The following YKT6 variants were observed in gnomAD, a reference collection of about 807,000 sequenced individuals.
YKT6 encodes YKT6 vesicular SNARE protein.
YKT6 carries 12 observed loss-of-function variants against 29.3 expected under a neutral mutation model. That is an observed-to-expected ratio of 0.41 (90% CI 0.26 to 0.66). The LOEUF is 0.66. YKT6 is among the 30% of genes least tolerant of loss of function. The probability of loss-of-function intolerance (pLI) is 0.32; values close to 1 mark genes in which losing one functional copy is unlikely to be tolerated. For synonymous variants in YKT6, 86 were observed against 94.3 expected, an observed-to-expected ratio of 0.91 and a Z score of 0.51; for missense variants, 188 against 243.8, an observed-to-expected ratio of 0.77 and a Z score of 1.52.
At chr7:44,205,642 A>G (rs1050237707) in intron 2 of YKT6, among the ~76,000 whole-genome samples, 3 of 152,192 alleles carry the variant, frequency 2.0e-5, no homozygotes, top group Admixed American at 2.0e-4. Flanking sequence ...GTAAGCTGTA[A>G]TCCTTACATT....
chr7:44,209,603 G>T (rs919965205), intron 5 of YKT6, among the ~76,000 whole-genome samples: 5 of 152,208 alleles, frequency 3.3e-5, no homozygotes, highest in African/African-American at 1.2e-4. Flanking sequence ...GTGCATATCT[G>T]AATCAGTTAA....
chr7:44,206,428 T>G lies in YKT6; in HGVS notation c.231T>G (p.Gly77=). The G allele has an allele frequency of 6.2e-7, 1 of 1,614,088 alleles. No homozygotes were observed. ...HVYVRNDSLA[G]VVIADNEYPS... ...ACGTCCGGAATGATAGTCTTGCAGG[T>G]GTGGTCATTGCTGACAATGAATACC... The change falls in exon 3 of 7, where the codon GGT becomes GGG. Residue 77 remains glycine (G), a synonymous_variant. Transcript: ENST00000223369.
chr7:44,204,055 C>A (rs1348573025), intron 1 of YKT6, among the ~76,000 whole-genome samples: 2 of 152,210 alleles, frequency 1.3e-5, no homozygotes, highest in African/African-American at 2.4e-5. Context: ...TGCGCTCGTT[C>A]TGTGGACGAG....
intron 4 of YKT6, among the ~76,000 whole-genome samples, chr7:44,207,915 G>A (rs896025032): frequency 3.9e-5 from 6 of 151,976 alleles, no homozygotes; most frequent in African/African-American, 1.2e-4. Context: ...TAGTAGAGAC[G>A]GTTTCACCAT....
chr7:44,202,345 A>T (rs2096336670), intron 1 of YKT6, among the ~76,000 whole-genome samples: 1 of 152,222 alleles, frequency 6.6e-6, no homozygotes, highest in Non-Finnish European at 1.5e-5. Context: ...GAGTGCATTG[A>T]TATGAAATAG....
Position 44,211,047 on chromosome 7 carries a change from G to T in YKT6, c.484G>T (p.Glu162Ter). 6.2e-7 allele frequency: 1 copy of T among 1,614,020 alleles called. No individual in the cohort carries two copies. The highest frequency in any genetic ancestry group is 1.1e-5 in the South Asian group (1 of 91,072). ...ILHNTMESLL[E>*]RGEKLDDLVS... ...GCACAACACCATGGAGTCTCTGTTA[G>T]AGCGAGGTGAGAAGCTAGATGACTT... Residue 162 changes from glutamate (E) to a stop codon, truncating the protein, a stop_gained, in exon 6 of 7, where the codon GAG becomes TAG. Transcript: ENST00000223369. LOFTEE classifies it high-confidence loss of function.
chr7:44,204,495 C>T, intron 1 of YKT6, 73 bp from the exon 2 acceptor site: 1 of 1,471,258 alleles, frequency 6.8e-7, no homozygotes, highest in Non-Finnish European at 9.4e-7. Flanking sequence ...TGTATAAGCC[C>T]AGAGGTCACT....
chr7:44,201,698 C>T (rs2096335916), intron 1 of YKT6, among the ~76,000 whole-genome samples: 1 of 152,152 alleles, frequency 6.6e-6, no homozygotes. Flanking sequence ...CACTTCCCAC[C>T]CAGTGATTCT....
chr7:44,205,921 G>T (rs1473148832), intron 2 of YKT6, among the ~76,000 whole-genome samples: 3 of 152,178 alleles, frequency 2.0e-5, no homozygotes, highest in Admixed American at 2.0e-4. Flanking sequence ...GCCCTGGGGG[G>T]TAATTTCCTG....
Position 44,212,427 on chromosome 7 carries a change from G to T in YKT6, c.*145G>T. ...TTATTTTGAAGTTCCTGCGAGAAAT[G>T]GATGGTGGAAGGGTGGCGAATGTTC... On this transcript the variant is annotated 3_prime_UTR_variant, in exon 7 of 7. Coordinates refer to ENST00000223369, the MANE Select transcript of YKT6 (RefSeq NM_006555.4). 1 of 1,030,032 alleles carries T rather than the reference G, an allele frequency of 9.7e-7. No homozygotes were observed. Among genetic ancestry groups the T allele is most frequent in the Non-Finnish European group, 1.5e-6 (1 of 689,170 alleles). The allele number at this position is 1,030,032 out of a possible 1,614,324, so 63.8% of individuals were successfully genotyped here.
chr7:44,203,052 A>G (rs1379379142), intron 1 of YKT6, among the ~76,000 whole-genome samples: 2 of 152,164 alleles, frequency 1.3e-5, no homozygotes, highest in African/African-American at 2.4e-5. Context: ...GGACATCTCT[A>G]CTAATATGTC....
At chr7:44,211,156 G>T in intron 6 of YKT6, 32 bp downstream of exon 6, 1 of 1,591,040 alleles carries the variant, frequency 6.3e-7, no homozygotes. Flanking sequence ...CCTCCTGGGT[G>T]TTCTCTCTAG....
intron 1 of YKT6, among the ~76,000 whole-genome samples, chr7:44,203,105 T>C (rs2096337513): frequency 6.6e-6 from 1 of 152,186 alleles, no homozygotes; most frequent in South Asian, 2.1e-4. Context: ...ATTTATTTAT[T>C]TTATTTTAGA....
chr7:44,202,828 G>C (rs1006615346), intron 1 of YKT6, among the ~76,000 whole-genome samples: 1 of 152,144 alleles, frequency 6.6e-6, no homozygotes, highest in African/African-American at 2.4e-5. Context: ...TGGGGTTCTT[G>C]GTCTTTGCAG....
intron 3 of YKT6, 161 bp from the exon 4 acceptor site, chr7:44,207,227 A>C (rs911434887): frequency 3.8e-6 from 2 of 533,284 alleles, no homozygotes; most frequent in African/African-American, 3.9e-5. Flanking sequence ...TTTAGCCTAG[A>C]TTTTCTCTGT....
intron 5 of YKT6, 158 bp downstream of exon 5, chr7:44,208,356 G>A (rs539309769): frequency 2.7e-6 from 2 of 743,100 alleles, no homozygotes; most frequent in Admixed American, 4.4e-5. Flanking sequence ...CCGGGCATCA[G>A]ACTGTCTTTC....
At chr7:44,205,487 T>C (rs1022781610) in intron 2 of YKT6, among the ~76,000 whole-genome samples, 1 of 152,188 alleles carries the variant, frequency 6.6e-6, no homozygotes, top group African/African-American at 2.4e-5. Context: ...GTCCTCTTCC[T>C]CCTCCTCATT....
At chr7:44,208,038 T>C (rs774779219) in intron 4 of YKT6, 95 bp from the exon 5 acceptor site, 1 of 1,367,522 alleles carries the variant, frequency 7.3e-7, no homozygotes, top group Non-Finnish European at 1.0e-6. Context: ...CTGTGGTTTT[T>C]AACCTGTGAA....
intron 1 of YKT6, among the ~76,000 whole-genome samples, chr7:44,201,685 C>T (rs946677144): frequency 2.6e-5 from 4 of 152,064 alleles, no homozygotes; most frequent in African/African-American, 7.2e-5. Flanking sequence ...TATTTTAGAC[C>T]AACACTTCCC....
Sources: gnomAD v4.1 joint callset for allele counts (sites outside exome capture counted in the v4.1 genomes callset) on GRCh38, gnomAD v4.1.1 for gene constraint, MANE v1.5 for transcripts, NCBI Gene and HGNC (gene_info 2026-07-23, HGNC 2026-07-21) for gene names.